KCNAB1: variants seen among roughly 807,000 people sequenced by gnomAD.
KCNAB1 encodes potassium voltage-gated channel subfamily A regulatory beta subunit 1, also known as voltage-gated potassium channel subunit beta-1.
A neutral mutation model predicts 64.6 loss-of-function variants in KCNAB1; 35 were observed. That is an observed-to-expected ratio of 0.54 (90% CI 0.41 to 0.72). The LOEUF is 0.72. Ranked by LOEUF, KCNAB1 falls within the 30% of genes least tolerant of loss-of-function variation. The pLI, the probability that KCNAB1 is intolerant of heterozygous loss-of-function variation, is 0.00. For missense variants in KCNAB1, 401 were observed against 512.9 expected, an observed-to-expected ratio of 0.78 and a Z score of 2.11; for synonymous variants, 177 against 183.8, an observed-to-expected ratio of 0.96 and a Z score of 0.30.
chr3:156,484,039 C>A (rs1384502894), intron 8 of KCNAB1, among the ~76,000 whole-genome samples: 1 of 152,130 alleles, frequency 6.6e-6, no homozygotes, highest in Non-Finnish European at 1.5e-5. Context: ...CTTTGGAAAT[C>A]AGTGATTCCC....
intron 2 of KCNAB1, among the ~76,000 whole-genome samples, chr3:156,448,798 T>C (rs1711780293): frequency 6.9e-6 from 1 of 145,146 alleles, no homozygotes; most frequent in Non-Finnish European, 1.5e-5. Context: ...AGATGTTTGT[T>C]TGGTAGGAAA....
intron 1 of KCNAB1, among the ~76,000 whole-genome samples, chr3:156,163,302 A>G (rs1039582068): frequency 6.6e-6 from 1 of 152,178 alleles, no homozygotes; most frequent in East Asian, 1.9e-4. Flanking sequence ...AAAATCTCAG[A>G]TTCAACATCC....
intron 1 of KCNAB1, among the ~76,000 whole-genome samples, chr3:156,177,947 A>G (rs1468413011): frequency 1.6e-4 from 25 of 151,878 alleles, no homozygotes; most frequent in Admixed American, 1.6e-3. Flanking sequence ...CATGTTGGTC[A>G]GGGTGGTCTC....
intron 1 of KCNAB1, among the ~76,000 whole-genome samples, chr3:156,336,052 A>G (rs957911341): frequency 6.6e-6 from 1 of 152,074 alleles, no homozygotes; most frequent in African/African-American, 2.4e-5. Context: ...TAATTTTTGG[A>G]ATCTAGAACA....
intron 2 of KCNAB1, among the ~76,000 whole-genome samples, chr3:156,438,333 C>A (rs1054219262): frequency 9.2e-5 from 14 of 151,352 alleles, no homozygotes. Flanking sequence ...AAGCAAGGGG[C>A]AGGTGAGGTA....
intron 1 of KCNAB1, among the ~76,000 whole-genome samples, chr3:156,209,194 G>A (rs1340896339): frequency 6.6e-6 from 1 of 152,188 alleles, no homozygotes; most frequent in Non-Finnish European, 1.5e-5. Context: ...TTGGCTTGGT[G>A]GAAAGAGGGG....
At chr3:156,395,916 G>A (rs1713432109) in intron 1 of KCNAB1, among the ~76,000 whole-genome samples, 1 of 152,202 alleles carries the variant, frequency 6.6e-6, no homozygotes, top group Non-Finnish European at 1.5e-5. Flanking sequence ...GTTACCGTGT[G>A]TAGAAAATAC....
At chr3:156,459,310 A>T (rs1712704910) in intron 4 of KCNAB1, among the ~76,000 whole-genome samples, 1 of 152,142 alleles carries the variant, frequency 6.6e-6, no homozygotes, top group African/African-American at 2.4e-5. Context: ...CCTATGACAA[A>T]GTTTGTCACT....
intron 1 of KCNAB1, among the ~76,000 whole-genome samples, chr3:156,127,365 G>T (rs1713719378): frequency 6.6e-6 from 1 of 152,198 alleles, no homozygotes; most frequent in Non-Finnish European, 1.5e-5. Context: ...CCCTAAGGCT[G>T]TAATTCTTGT....
chr3:156,516,335 G>A lies in KCNAB1; in HGVS notation c.931G>A (p.Val311Met). The A allele has an allele frequency of 6.2e-7, 1 of 1,613,840 alleles. No individual in the cohort carries two copies. Among genetic ancestry groups the A allele is most frequent in the Non-Finnish European group, 8.5e-7 (1 of 1,179,692 alleles). The change falls in exon 11 of 14, where the codon GTG (valine) becomes ATG (methionine). Residue 311 changes from valine to methionine, a missense_variant. Physicochemically the swap from Val to Met is conservative, Grantham distance 21. Coordinates refer to ENST00000490337, the MANE Select transcript of KCNAB1 (RefSeq NM_172160.3). ...GIISGKYGNG[V>M]PESSRASLKC... is the part of the protein sequence containing the mutation. ...CATCTCAGGAAAATACGGAAACGGG[G>A]TGCCTGAAAGTTCCAGGGCTTCACT...
chr3:156,253,540 C>T (rs1411603493), intron 1 of KCNAB1, among the ~76,000 whole-genome samples: 1 of 152,212 alleles, frequency 6.6e-6, no homozygotes, highest in Non-Finnish European at 1.5e-5. Flanking sequence ...GGATTCCAAC[C>T]CAGAAGATTC....
chr3:156,436,633 A>G (rs1441156859), intron 2 of KCNAB1, among the ~76,000 whole-genome samples: 3 of 152,030 alleles, frequency 2.0e-5, no homozygotes, highest in African/African-American at 7.3e-5. Context: ...ATGGTATCTC[A>G]TTGTGCTTTG....
At chr3:156,328,991 T>A (rs549162385) in intron 1 of KCNAB1, among the ~76,000 whole-genome samples, 3 of 152,276 alleles carry the variant, frequency 2.0e-5, no homozygotes, top group African/African-American at 7.2e-5. Context: ...CTTTTGATAT[T>A]ATCAAAATTT....
chr3:156,528,341 G>A lies in KCNAB1; in HGVS notation c.1082-3068G>A, dbSNP rs532576039. On this transcript the variant is annotated intron_variant, in intron 12 of 13. Transcript: ENST00000490337. ...CTGTCCAAATGGGGGCAGAAGATGT[G>A]CTTGGGGACATCCATCAATCATCCA... is the stretch of plus-strand genomic sequence containing the variant. Among the ~76,000 whole-genome samples, 134 of 152,278 alleles carry A rather than the reference G, an allele frequency of 8.8e-4. No homozygotes were observed. In the Middle Eastern group the frequency reaches 0.014, roughly 15 times the overall value.
At chr3:156,269,626 T>C (rs921037920) in intron 1 of KCNAB1, among the ~76,000 whole-genome samples, 2 of 152,188 alleles carry the variant, frequency 1.3e-5, no homozygotes, top group Non-Finnish European at 2.9e-5. Flanking sequence ...TTAGTGCTAA[T>C]AATGTTTATT....
chr3:156,362,941 G>A (rs2108110639), intron 1 of KCNAB1, among the ~76,000 whole-genome samples: 1 of 152,318 alleles, frequency 6.6e-6, no homozygotes, highest in East Asian at 1.9e-4. Flanking sequence ...AACTTTCTGA[G>A]GCATTGTCTG....
intron 1 of KCNAB1, among the ~76,000 whole-genome samples, chr3:156,373,258 A>G (rs1726434891): frequency 6.6e-6 from 1 of 152,210 alleles, no homozygotes; most frequent in Admixed American, 6.5e-5. Context: ...CTACTGAAAA[A>G]CAATTACAGC....
At chr3:156,262,813 A>G (rs1216060963) in intron 1 of KCNAB1, among the ~76,000 whole-genome samples, 1 of 151,894 alleles carries the variant, frequency 6.6e-6, no homozygotes, top group Non-Finnish European at 1.5e-5. Flanking sequence ...CTTTGTGGAA[A>G]TATTTAAAAT....
intron 13 of KCNAB1, among the ~76,000 whole-genome samples, chr3:156,535,483 A>C (rs751266030): frequency 2.0e-5 from 3 of 152,154 alleles, no homozygotes; most frequent in Non-Finnish European, 4.4e-5. Context: ...ATGTCGGTGC[A>C]AATGACTCAC....
Sources: allele counts gnomAD v4.1 joint callset (sites outside exome capture counted in the v4.1 genomes callset), GRCh38; gene constraint gnomAD v4.1.1; transcripts MANE v1.5; gene names NCBI Gene and HGNC (gene_info 2026-07-23, HGNC 2026-07-21).